The following MAN1A1 variants were observed in gnomAD, a reference collection of about 807,000 sequenced individuals.
The protein encoded by MAN1A1 is mannosyl-oligosaccharide 1,2-alpha-mannosidase IA.
MAN1A1 carries 29 observed loss-of-function variants against 70.8 expected under a neutral mutation model. The observed-to-expected ratio is 0.41, with a 90% CI of 0.31 to 0.56. The LOEUF is 0.56. Ranked by LOEUF, MAN1A1 falls within the 20% of genes least tolerant of loss-of-function variation. The pLI is 0.29. For missense variants in MAN1A1, 747 were observed against 841.3 expected (o/e 0.89, Z 1.39); for synonymous variants, 349 against 330.1 (o/e 1.06, Z -0.62).
chr6:119,244,303 T>G (rs955674444), intron 6 of MAN1A1, among the ~76,000 whole-genome samples: 4 of 152,190 alleles, frequency 2.6e-5, no homozygotes, highest in Non-Finnish European at 4.4e-5. Flanking sequence ...TTAGAGAAAT[T>G]GAGTTCTACC....
At chr6:119,181,830 T>A (rs1773161425) in intron 11 of MAN1A1, among the ~76,000 whole-genome samples, 1 of 152,242 alleles carries the variant, frequency 6.6e-6, no homozygotes, top group South Asian at 2.1e-4. Flanking sequence ...ATATACACCA[T>A]CTTCTGTGGT....
intron 3 of MAN1A1, among the ~76,000 whole-genome samples, chr6:119,304,080 T>C (rs1772468822): frequency 7.5e-6 from 1 of 133,054 alleles, no homozygotes; most frequent in Non-Finnish European, 1.7e-5. Flanking sequence ...ACCAAATCTA[T>C]AAATATAAGT....
intron 2 of MAN1A1, among the ~76,000 whole-genome samples, chr6:119,319,773 A>G (rs1772957206): frequency 6.6e-6 from 1 of 152,192 alleles, no homozygotes; most frequent in Non-Finnish European, 1.5e-5. Context: ...TAAAAGCCTA[A>G]TGTTCTTTCC....
intron 11 of MAN1A1, among the ~76,000 whole-genome samples, chr6:119,187,661 G>A (rs926463138): frequency 1.3e-5 from 2 of 152,246 alleles, no homozygotes; most frequent in African/African-American, 4.8e-5. Flanking sequence ...GAGAATGAGA[G>A]TGTAATTAAA....
chr6:119,251,968 C>T (rs529688458), intron 5 of MAN1A1, among the ~76,000 whole-genome samples: 16 of 152,260 alleles, frequency 1.1e-4, no homozygotes, highest in South Asian at 4.1e-4. Flanking sequence ...AATGTCCCCT[C>T]GAGAGGTCTT....
At chr6:119,324,004 A>C (rs1261685715) in intron 2 of MAN1A1, among the ~76,000 whole-genome samples, 2 of 152,224 alleles carry the variant, frequency 1.3e-5, no homozygotes, top group East Asian at 3.8e-4. Context: ...AGCAACTGTA[A>C]TGCATAGTTA....
chr6:119,281,312 G>A (rs1369582959), intron 5 of MAN1A1, among the ~76,000 whole-genome samples: 1 of 152,086 alleles, frequency 6.6e-6, no homozygotes, highest in African/African-American at 2.4e-5. Context: ...TGCTACTCTG[G>A]GCAGTTAAGA....
rs929061143 is a variant in MAN1A1 at position 119,177,524 on chromosome 6, A to C, written c.*2295T>G. Reference sequence around the variant, plus strand: ...TTAACGGTTCATCTTTCAGTATGTGAATACGTATACAAATTTAACTGCACA... The same window carrying C: ...TTAACGGTTCATCTTTCAGTATGTGCATACGTATACAAATTTAACTGCACA... On this transcript the variant is annotated 3_prime_UTR_variant, in exon 13 of 13. Transcript: ENST00000368468. 4 of 152,126 alleles carry C rather than the reference A, an allele frequency of 2.6e-5. No homozygotes were observed. The highest frequency in any genetic ancestry group is 2.6e-4 in the Admixed American group (4 of 15,266). The allele number at this position is 152,126 out of a possible 1,614,324, so 9.4% of individuals were successfully genotyped here.
At chr6:119,262,245 G>A (rs757743253) in intron 5 of MAN1A1, among the ~76,000 whole-genome samples, 1 of 152,086 alleles carries the variant, frequency 6.6e-6, no homozygotes, top group Non-Finnish European at 1.5e-5. Flanking sequence ...GTAAAAGTGA[G>A]GTACTGTTAC....
rs1467594832 is a variant in MAN1A1 at position 119,234,276 on chromosome 6, T to C, written c.992+13984A>G. On this transcript the variant is annotated intron_variant, in intron 6 of 12. Transcript: ENST00000368468. ...AGTGGTTCACCTTTAAAATTCATGT[T>C]TGCATTTAACTTAAAAATTGAGTTT... Among the ~76,000 whole-genome samples, 5 of 152,232 alleles carry C rather than the reference T, an allele frequency of 3.3e-5. No homozygotes were observed. The South Asian group carries it at 8.3e-4, about 25-fold the overall frequency.
intron 2 of MAN1A1, among the ~76,000 whole-genome samples, chr6:119,321,408 T>C (rs946028019): frequency 6.6e-6 from 1 of 152,174 alleles, no homozygotes; most frequent in African/African-American, 2.4e-5. Flanking sequence ...ATTTAAAATA[T>C]CCTTGTGTAA....
chr6:119,184,532 C>T (rs564331573), intron 11 of MAN1A1, among the ~76,000 whole-genome samples: 1 of 151,954 alleles, frequency 6.6e-6, no homozygotes, highest in Non-Finnish European at 1.5e-5. Flanking sequence ...GAATCAGGCA[C>T]CTTGAACAAA....
chr6:119,323,750 T>C (rs1447766101), intron 2 of MAN1A1, among the ~76,000 whole-genome samples: 1 of 152,196 alleles, frequency 6.6e-6, no homozygotes, highest in Non-Finnish European at 1.5e-5. Flanking sequence ...GAGTCTCAGA[T>C]AGTCCTACAG....
rs375851056 is a variant in MAN1A1, at chr6:119,177,504, G to A, written c.*2315C>T. ...ACACAAAATTAAGTGCTATTTTAAC[G>A]GTTCATCTTTCAGTATGTGAATACG... On this transcript the variant is annotated 3_prime_UTR_variant, in exon 13 of 13. Coordinates refer to ENST00000368468, the MANE Select transcript of MAN1A1 (RefSeq NM_005907.4). The A allele has an allele frequency of 5.9e-5, 9 of 151,946 alleles. No individual in the cohort carries two copies. The East Asian group carries it at 9.6e-4, about 16-fold the overall frequency. 9.4% of individuals were successfully genotyped at this position (151,946 alleles called of 1,614,324 possible).
At chr6:119,244,789 G>T (rs946329255) in intron 6 of MAN1A1, among the ~76,000 whole-genome samples, 8 of 152,108 alleles carry the variant, frequency 5.3e-5, no homozygotes, top group African/African-American at 1.9e-4. Context: ...GTGTGAGTGT[G>T]TAACACACAA....
intron 5 of MAN1A1, among the ~76,000 whole-genome samples, chr6:119,284,640 AT>A (rs1289855124): frequency 6.6e-6 from 1 of 151,932 alleles, no homozygotes; most frequent in Non-Finnish European, 1.5e-5. Context: ...GGAATTATGT[AT>A]TTTTTTAAGT....
intron 10 of MAN1A1, among the ~76,000 whole-genome samples, 155 bp downstream of exon 10, chr6:119,189,509 C>T (rs1042373929): frequency 6.6e-6 from 1 of 152,068 alleles, no homozygotes; most frequent in Non-Finnish European, 1.5e-5. Context: ...AAAGCATTGC[C>T]TTTTAAAATA....
At chr6:119,250,182 T>C (rs1215343606) in intron 5 of MAN1A1, among the ~76,000 whole-genome samples, 1 of 152,254 alleles carries the variant, frequency 6.6e-6, no homozygotes, top group African/African-American at 2.4e-5. Context: ...ATCCAATCAC[T>C]GCCCAGCCAT....
At chr6:119,302,857 G>A (rs1312799388) in intron 3 of MAN1A1, among the ~76,000 whole-genome samples, 1 of 152,076 alleles carries the variant, frequency 6.6e-6, no homozygotes, top group Non-Finnish European at 1.5e-5. Flanking sequence ...TTTCACCCCC[G>A]TATGAATTCT....
Sources: gnomAD v4.1 joint callset for allele counts (sites outside exome capture counted in the v4.1 genomes callset) on GRCh38, gnomAD v4.1.1 for gene constraint, MANE v1.5 for transcripts, NCBI Gene and HGNC (gene_info 2026-07-23, HGNC 2026-07-21) for gene names.